MAST2: variants seen among roughly 807,000 people sequenced by gnomAD.
MAST2 encodes the protein microtubule associated serine/threonine kinase 2.
In MAST2, 70 loss-of-function variants were observed where a neutral mutation model predicts 147.4. That is an observed-to-expected ratio of 0.47 (90% CI 0.39 to 0.58). MAST2 has a LOEUF of 0.58. Among genes scored for constraint, MAST2 ranks in the 20% least tolerant of loss-of-function variants. The pLI, the probability that MAST2 is intolerant of heterozygous loss-of-function variation, is 0.00. For synonymous variants in MAST2, 869 were observed against 896.8 expected (o/e 0.97, Z 0.55); for missense variants, 2,080 against 2,302.3 (o/e 0.90, Z 1.98).
chr1:45,837,279 T>A (rs1645132343), intron 3 of MAST2, among the ~76,000 whole-genome samples: 1 of 152,248 alleles, frequency 6.6e-6, no homozygotes, highest in Non-Finnish European at 1.5e-5. Flanking sequence ...GTCTGTTCTC[T>A]CTCCCCAGGC....
At chr1:45,824,684 AGTCTTG>A in intron 2 of MAST2, 104 bp downstream of exon 2, 1 of 1,176,176 alleles carries the variant, frequency 8.5e-7, no homozygotes. Context: ...CTCTGGTAGT[AGTCTTG>A]TATAGAACAT....
chr1:45,899,906 C>T (rs761257057), intron 4 of MAST2, among the ~76,000 whole-genome samples: 5 of 151,632 alleles, frequency 3.3e-5, no homozygotes, highest in African/African-American at 1.2e-4. Context: ...ATGGCTTACA[C>T]CTGTAATCCC....
At chr1:45,909,382 A>G (rs1028637966) in intron 4 of MAST2, among the ~76,000 whole-genome samples, 4 of 152,214 alleles carry the variant, frequency 2.6e-5, no homozygotes, top group East Asian at 3.8e-4. Flanking sequence ...AATATCATTT[A>G]CGTTAAACCT....
Position 46,019,602 on chromosome 1 carries a change from G to C in MAST2, c.1195G>C (p.Glu399Gln), listed in dbSNP as rs1186515690. Residue 399 changes from glutamate (E) to glutamine (Q), a missense_variant, in exon 11 of 29, where the codon GAG becomes CAG. Physicochemically the swap from Glu to Gln is conservative, Grantham distance 29. Coordinates refer to ENST00000361297, the MANE Select transcript of MAST2 (RefSeq NM_015112.3). ...ACGCTTCTTTTCTCTATAGGCTCATGAGCGCTCAGAGAGCTCAGAAGTGGC... is the reference window on the plus strand; with the variant it reads ...ACGCTTCTTTTCTCTATAGGCTCATCAGCGCTCAGAGAGCTCAGAAGTGGC... ...NLEKLLQDAH[E>Q]RSESSEVAFV... 1.2e-6 allele frequency: 2 copies of C among 1,613,920 alleles called. No homozygotes were observed. The highest frequency in any genetic ancestry group is 1.7e-6 in the Non-Finnish European group (2 of 1,179,888).
chr1:45,917,236 T>C (rs1333111072), intron 4 of MAST2: 2 of 637,730 alleles, frequency 3.1e-6, no homozygotes, highest in Non-Finnish European at 4.6e-6. Flanking sequence ...ACCACTTACT[T>C]TTCTTGAGCT....
intron 4 of MAST2, among the ~76,000 whole-genome samples, chr1:45,905,131 GT>G (rs1650468138): frequency 6.7e-6 from 1 of 150,154 alleles, no homozygotes; most frequent in African/African-American, 2.4e-5. Context: ...TTTTGTTGTA[GT>G]ATCTGGTACA....
intron 4 of MAST2, among the ~76,000 whole-genome samples, chr1:45,885,960 A>T (rs1647063177): frequency 6.6e-6 from 1 of 152,082 alleles, no homozygotes; most frequent in Non-Finnish European, 1.5e-5. Context: ...TTTAAATTTT[A>T]AATTTTAAAT....
In MAST2 at chr1:46,027,721, G is replaced by A. The variant is rs748622833; in HGVS notation, c.1920-10G>A. On this transcript the variant is annotated splice_polypyrimidine_tract_variant and intron_variant, in intron 16 of 28. Coordinates refer to ENST00000361297, the MANE Select transcript of MAST2 (RefSeq NM_015112.3). ...AATAACTTCTTAATTTTATTTCTTC[G>A]TTCTTCCAGCCTCCTAATTACATCC... is the stretch of plus-strand genomic sequence containing the variant. The A allele has an allele frequency of 1.0e-4, 161 of 1,598,794 alleles. No homozygotes were observed. The highest frequency in any genetic ancestry group is 1.3e-4 in the Non-Finnish European group (154 of 1,173,404).
At chr1:45,924,509 C>T (rs1413598562) in intron 4 of MAST2, among the ~76,000 whole-genome samples, 6 of 152,048 alleles carry the variant, frequency 3.9e-5, no homozygotes, top group East Asian at 3.9e-4. Flanking sequence ...CTTCCAGGGG[C>T]GGGTTCCAGG....
In MAST2 at chr1:46,021,054, A is replaced by G. The variant is rs137866308; in HGVS notation, c.1291-896A>G. On this transcript the variant is annotated intron_variant, in intron 11 of 28. Transcript: ENST00000361297. Reference sequence around the variant, plus strand: ...CAGAACTCAGACAGTGAATGGTAGGATAATAGAGAGAAAGAGGTGGATTAG... The same window carrying G: ...CAGAACTCAGACAGTGAATGGTAGGGTAATAGAGAGAAAGAGGTGGATTAG... Among the ~76,000 whole-genome samples, 21 of 152,320 alleles carry G rather than the reference A, an allele frequency of 1.4e-4. No individual in the cohort carries two copies. The East Asian group carries it at 3.7e-3, about 27-fold the overall frequency.
intron 5 of MAST2, among the ~76,000 whole-genome samples, chr1:45,964,449 G>A (rs1389218735): frequency 6.6e-6 from 1 of 152,152 alleles, no homozygotes; most frequent in Admixed American, 6.6e-5. Context: ...TCTTGGGAGG[G>A]GGTATGTGTC....
At chr1:45,844,072 C>T (rs750604704) in intron 3 of MAST2, among the ~76,000 whole-genome samples, 3 of 151,892 alleles carry the variant, frequency 2.0e-5, no homozygotes, top group Non-Finnish European at 4.4e-5. Flanking sequence ...TTGAATTTGT[C>T]TTACAAAAAT....
chr1:46,013,781 C>G (rs2149250663), intron 10 of MAST2, among the ~76,000 whole-genome samples: 1 of 152,130 alleles, frequency 6.6e-6, no homozygotes, highest in East Asian at 1.9e-4. Context: ...AACAGCATGA[C>G]AGTACCATGT....
intron 5 of MAST2, among the ~76,000 whole-genome samples, chr1:45,973,508 A>T (rs1365359884): frequency 1.3e-5 from 2 of 152,188 alleles, no homozygotes; most frequent in Non-Finnish European, 2.9e-5. Context: ...ATAATTCAGT[A>T]TGTTTGTCTT....
rs1169391895 is a variant in MAST2 at position 45,803,755 on chromosome 1, C to T, written c.-141C>T. The T allele has an allele frequency of 1.4e-5, 5 of 352,208 alleles. No individual in the cohort carries two copies. Among genetic ancestry groups the T allele is most frequent in the Admixed American group, 9.5e-5 (2 of 21,038 alleles). 21.8% of individuals were successfully genotyped at this position (352,208 alleles called of 1,614,324 possible). On this transcript the variant is annotated 5_prime_UTR_variant, in exon 1 of 29. Transcript: ENST00000361297. ...GAGGCCCCAGAAGGCTCGAAGGCGC[C>T]GCGGGCTGGGGTCGGTGGCTTAGGG...
At chr1:45,881,108 T>G (rs984528487) in intron 3 of MAST2, among the ~76,000 whole-genome samples, 1 of 152,202 alleles carries the variant, frequency 6.6e-6, no homozygotes, top group Non-Finnish European at 1.5e-5. Context: ...GAATATCCAG[T>G]ACTTTATGAC....
intron 4 of MAST2, among the ~76,000 whole-genome samples, chr1:45,957,607 A>G (rs1461755472): frequency 1.3e-5 from 2 of 152,214 alleles, no homozygotes; most frequent in Non-Finnish European, 2.9e-5. Context: ...GACTGTAGGC[A>G]TGTGCCAACA....
chr1:46,028,181 A>G (rs1402574215), intron 17 of MAST2, among the ~76,000 whole-genome samples: 1 of 152,232 alleles, frequency 6.6e-6, no homozygotes, highest in Admixed American at 6.5e-5. Context: ...GAGCCTTGAG[A>G]ATCATATGGA....
intron 5 of MAST2, among the ~76,000 whole-genome samples, chr1:45,965,018 G>A (rs1425004560): frequency 6.6e-6 from 1 of 152,182 alleles, no homozygotes; most frequent in African/African-American, 2.4e-5. Flanking sequence ...TTTCCATGTA[G>A]TTGGGCGATT....
Sources: gnomAD v4.1 joint callset for allele counts (sites outside exome capture counted in the v4.1 genomes callset) on GRCh38, gnomAD v4.1.1 for gene constraint, MANE v1.5 for transcripts, NCBI Gene and HGNC (gene_info 2026-07-23, HGNC 2026-07-21) for gene names.